Variants in TPH2 observed in about 807,000 individuals in gnomAD.
The protein encoded by TPH2 is tryptophan hydroxylase 2, also known as tryptophan 5-hydroxylase 2.
TPH2 carries 27 observed loss-of-function variants against 59.1 expected under a neutral mutation model. That is an observed-to-expected ratio of 0.46 (90% CI 0.34 to 0.63). The LOEUF (loss-of-function observed/expected upper bound fraction) is 0.63, where lower values mean the gene tolerates loss of function less well. Among genes scored for constraint, TPH2 ranks in the 30% least tolerant of loss-of-function variants. The pLI is 0.01. For missense variants in TPH2, 523 were observed against 588.3 expected (o/e 0.89, Z 1.15); for synonymous variants, 220 against 210.5 (o/e 1.05, Z -0.39).
At position 71,972,671 on chromosome 12, in the gene TPH2, A is replaced by G. The variant is rs1872006726; in HGVS notation, c.761A>G (p.Glu254Gly). 1.2e-6 allele frequency: 2 copies of G among 1,614,202 alleles called. No homozygotes were observed. The highest frequency in any genetic ancestry group is 1.7e-6 in the Non-Finnish European group (2 of 1,180,030). ...PLLTKYCGYR[E>G]DNVPQLEDVS... ...CTGACTAAATACTGTGGCTACAGAG[A>G]GGACAATGTGCCTCAACTCGAAGAT... is the stretch of plus-strand genomic sequence containing the variant. Residue 254 changes from glutamate (E) to glycine (G), a missense_variant, in exon 6 of 11, where the codon GAG becomes GGG. Transcript: ENST00000333850.
chr12:71,983,334 G>C (rs919282413), intron 7 of TPH2, among the ~76,000 whole-genome samples: 1 of 152,076 alleles, frequency 6.6e-6, no homozygotes, highest in Non-Finnish European at 1.5e-5. Context: ...GATCAGCTGT[G>C]GTTGCAATGT....
chr12:71,964,598 G>A, intron 5 of TPH2: 1 of 985,282 alleles, frequency 1.0e-6, no homozygotes, highest in Non-Finnish European at 1.2e-6. Context: ...CTGGATGCAG[G>A]TGATACTATT....
chr12:71,992,167 C>G (rs957569460), intron 7 of TPH2, among the ~76,000 whole-genome samples: 4 of 152,198 alleles, frequency 2.6e-5, no homozygotes, highest in African/African-American at 9.6e-5. Context: ...TGGCTAAACT[C>G]TCTTCCTACG....
chr12:71,998,157 C>A (rs1872737526), intron 8 of TPH2, among the ~76,000 whole-genome samples: 1 of 152,146 alleles, frequency 6.6e-6, no homozygotes, highest in African/African-American at 2.4e-5. Flanking sequence ...GTTTGCCTCA[C>A]CATGGTTTTG....
chr12:71,941,541 C>T (rs778168047), intron 1 of TPH2, 43 bp from the exon 2 acceptor site: 6 of 1,597,760 alleles, frequency 3.8e-6, no homozygotes, highest in African/African-American at 2.7e-5. Flanking sequence ...ATTCTGGAAC[C>T]CTAACTAATA....
intron 9 of TPH2, among the ~76,000 whole-genome samples, chr12:72,026,014 C>T (rs987389492): frequency 3.9e-5 from 6 of 152,200 alleles, no homozygotes; most frequent in Middle Eastern, 6.8e-3. Flanking sequence ...TTGTTGAGTC[C>T]AGTTCTCTTG....
At chr12:71,950,798 G>A (rs544544583) in intron 5 of TPH2, among the ~76,000 whole-genome samples, 1 of 152,194 alleles carries the variant, frequency 6.6e-6, no homozygotes, top group African/African-American at 2.4e-5. Flanking sequence ...GTGTTATAGA[G>A]GGTCTCAGTG....
At chr12:72,006,815 A>G (rs541199851) in intron 8 of TPH2, among the ~76,000 whole-genome samples, 22 of 152,262 alleles carry the variant, frequency 1.4e-4, no homozygotes, top group Non-Finnish European at 2.8e-4. Context: ...CAGTTTTGTC[A>G]TCTTTAAAAT....
At chr12:71,983,809 G>C (rs1872356144) in intron 7 of TPH2, among the ~76,000 whole-genome samples, 1 of 151,988 alleles carries the variant, frequency 6.6e-6, no homozygotes, top group Non-Finnish European at 1.5e-5. Flanking sequence ...GAGAGAAAGA[G>C]AGAGATAGCA....
intron 8 of TPH2, among the ~76,000 whole-genome samples, chr12:72,015,121 A>G (rs1207440513): frequency 6.6e-6 from 1 of 152,076 alleles, no homozygotes; most frequent in African/African-American, 2.4e-5. Flanking sequence ...TTCCAACTCT[A>G]GTAGCTAGGG....
intron 9 of TPH2, 149 bp downstream of exon 9, chr12:72,022,643 C>G (rs1873451639): frequency 1.4e-6 from 1 of 731,768 alleles, no homozygotes; most frequent in Non-Finnish European, 2.4e-6. Flanking sequence ...TGGGTGCCGA[C>G]CTCACTTTTC....
At chr12:71,991,294 T>G (rs1262935463) in intron 7 of TPH2, among the ~76,000 whole-genome samples, 1 of 152,210 alleles carries the variant, frequency 6.6e-6, no homozygotes, top group African/African-American at 2.4e-5. Flanking sequence ...CTTCAAGTAT[T>G]TAACAAGTTC....
chr12:71,972,638 T>A lies in TPH2; in HGVS notation c.728T>A (p.Phe243Tyr). 2 of 1,614,108 alleles carry A rather than the reference T, an allele frequency of 1.2e-6. No homozygotes were observed. Among genetic ancestry groups the A allele is most frequent in the Non-Finnish European group, 1.7e-6 (2 of 1,180,020 alleles). Residue 243 changes from phenylalanine (F) to tyrosine (Y), a missense_variant, in exon 6 of 11, where the codon TTC (phenylalanine) becomes TAC (tyrosine). Transcript: ENST00000333850. The stretch of plus-strand genomic sequence containing the variant: ...GCTTGCCGAGAGTATTTGAAAAACT[T>A]CCCTCTGCTGACTAAATACTGTGGC... ...THACREYLKN[F>Y]PLLTKYCGYR...
intron 8 of TPH2, among the ~76,000 whole-genome samples, chr12:72,004,261 T>C (rs1339660574): frequency 6.6e-6 from 1 of 150,600 alleles, no homozygotes; most frequent in Non-Finnish European, 1.5e-5. Context: ...TTATATTACC[T>C]CTTTTTGTCT....
chr12:71,987,413 A>G (rs779650202), intron 7 of TPH2, among the ~76,000 whole-genome samples: 1 of 152,198 alleles, frequency 6.6e-6, no homozygotes, highest in Non-Finnish European at 1.5e-5. Flanking sequence ...CTCCTTTTTA[A>G]GTGATAAAGT....
chr12:71,952,696 T>C (rs917609929), intron 5 of TPH2, among the ~76,000 whole-genome samples: 1 of 152,178 alleles, frequency 6.6e-6, no homozygotes, highest in African/African-American at 2.4e-5. Flanking sequence ...TGGACTCCAA[T>C]AGTCTGGGCT....
At chr12:71,973,697 A>G (rs1002216561) in intron 6 of TPH2, among the ~76,000 whole-genome samples, 1 of 152,118 alleles carries the variant, frequency 6.6e-6, no homozygotes, top group African/African-American at 2.4e-5. Context: ...CACTTTACGG[A>G]CTCACTCACT....
At chr12:71,972,737 CT>C (rs1376382464) in intron 6 of TPH2, 22 bp downstream of exon 6, 1 of 1,609,832 alleles carries the variant, frequency 6.2e-7, no homozygotes, top group East Asian at 2.2e-5. Flanking sequence ...CACAGGCTGT[CT>C]CTTATTAGTC....
At chr12:71,963,808 CAAAAA>C (rs1174520030) in intron 5 of TPH2, among the ~76,000 whole-genome samples, 1 of 14,466 alleles carries the variant, frequency 6.9e-5, no homozygotes. Flanking sequence ...GATTCTGTCT[CAAAAA>C]AAAAAAAAAA....
Sources: gnomAD v4.1 joint callset for allele counts (sites outside exome capture counted in the v4.1 genomes callset) on GRCh38, gnomAD v4.1.1 for gene constraint, MANE v1.5 for transcripts, NCBI Gene and HGNC (gene_info 2026-07-23, HGNC 2026-07-21) for gene names.